Variants in MACF1 observed in about 807,000 individuals in gnomAD.
MACF1 encodes the protein microtubule actin crosslinking factor 1, also known as microtubule-actin cross-linking factor 1.
In MACF1, 193 loss-of-function variants were observed where a neutral mutation model predicts 854.8. The ratio of observed to expected loss-of-function variants is 0.23; its 90% CI spans 0.20 to 0.25. The LOEUF (loss-of-function observed/expected upper bound fraction) is 0.25, where lower values mean the gene tolerates loss of function less well. MACF1 is among the 10% of genes least tolerant of loss of function. The pLI is 1.00. For missense variants in MACF1, 7,722 were observed against 8,929.1 expected, an observed-to-expected ratio of 0.86 and a Z score of 5.45; for synonymous variants, 3,185 against 3,226.7, an observed-to-expected ratio of 0.99 and a Z score of 0.44.
intron 1 of MACF1, among the ~76,000 whole-genome samples, chr1:39,217,511 G>C (rs1040340588): frequency 3.3e-5 from 5 of 151,822 alleles, no homozygotes; most frequent in Non-Finnish European, 5.9e-5. Context: ...CTGACCTCAA[G>C]TGATCCCTCT....
At chr1:39,163,463 A>C (rs1422394931) in intron 2 of MACF1, among the ~76,000 whole-genome samples, 1 of 152,152 alleles carries the variant, frequency 6.6e-6, no homozygotes, top group Non-Finnish European at 1.5e-5. Context: ...CCAATCTCAA[A>C]GAATGAAAAT....
At chr1:39,351,991 A>G (rs938038677) in intron 43 of MACF1, among the ~76,000 whole-genome samples, 1 of 152,200 alleles carries the variant, frequency 6.6e-6, no homozygotes. Flanking sequence ...AGCTGCCTCT[A>G]TAGTTACGAT....
Position 39,458,505 on chromosome 1 carries a change from C to T in MACF1, c.21196+15C>T, listed in dbSNP as rs763213598. The stretch of plus-strand genomic sequence containing the variant: ...CAGCGGAGGCAGTATGTTTCCAGCC[C>T]CCTGTGTTAGGATGCTTCATTCCTG... On this transcript the variant is annotated intron_variant, in intron 90 of 100. Transcript: ENST00000564288. 1 of 1,609,728 alleles carries T rather than the reference C, an allele frequency of 6.2e-7. No individual in the cohort carries two copies. The highest frequency in any genetic ancestry group is 1.1e-5 in the South Asian group (1 of 90,632).
Position 39,340,587 on chromosome 1 carries a change from A to G in MACF1, c.10301A>G (p.Gln3434Arg), listed in dbSNP as rs531297302. ...CVNQIIISQP[Q>R]EVPAQLLKAL... Reference sequence around the variant, plus strand: ...AATCAGATTATCATCAGCCAGCCTCAAGAAGTTCCTGCTCAACTGTTGAAG... The same window carrying G: ...AATCAGATTATCATCAGCCAGCCTCGAGAAGTTCCTGCTCAACTGTTGAAG... Residue 3434 changes from glutamine to arginine, a missense_variant, in exon 39 of 101, where the codon CAA (glutamine) becomes CGA (arginine). Gln to Arg is a conservative substitution (Grantham distance 43). Around this residue, in one of 15 missense-constraint regions of MACF1, gnomAD observed 854 missense variants for 852.6 expected, o/e 1.00. Coordinates refer to ENST00000564288, the MANE Select transcript of MACF1 (RefSeq NM_001394062.1). The G allele has an allele frequency of 2.5e-6, 4 of 1,614,202 alleles. No individual in the cohort carries two copies. Among genetic ancestry groups the G allele is most frequent in the Admixed American group, 1.7e-5 (1 of 60,034 alleles).
At chr1:39,235,426 G>A (rs982429143) in intron 2 of MACF1, among the ~76,000 whole-genome samples, 11 of 152,364 alleles carry the variant, frequency 7.2e-5, no homozygotes, top group Middle Eastern at 3.4e-3. Context: ...GGAGGTTGCA[G>A]TGCTAGCCAT....
intron 20 of MACF1, 67 bp downstream of exon 20, chr1:39,295,949 A>G: frequency 7.2e-7 from 1 of 1,384,624 alleles, no homozygotes; most frequent in Non-Finnish European, 1.0e-6. Flanking sequence ...TTACAAACAC[A>G]TCTGCGTTAG....
intron 16 of MACF1, 39 bp downstream of exon 16, chr1:39,292,077 G>T (rs372589295): frequency 6.8e-5 from 109 of 1,608,546 alleles, no homozygotes; most frequent in Non-Finnish European, 8.8e-5. Flanking sequence ...GGAGGGACGT[G>T]GTTGGAACGG....
At chr1:39,268,927 TG>T in intron 6 of MACF1, 1 of 1,287,170 alleles carries the variant, frequency 7.8e-7, no homozygotes, top group Non-Finnish European at 1.0e-6. Flanking sequence ...GAAGACGGAG[TG>T]GGAGGGGTAG....
intron 2 of MACF1, among the ~76,000 whole-genome samples, chr1:39,112,481 G>T (rs980734585): frequency 6.6e-6 from 1 of 152,046 alleles, no homozygotes; most frequent in Non-Finnish European, 1.5e-5. Context: ...CCAGGAGTTC[G>T]AGACCAGTCA....
intron 58 of MACF1, among the ~76,000 whole-genome samples, chr1:39,394,349 C>T (rs757462506): frequency 2.6e-5 from 4 of 152,010 alleles, no homozygotes; most frequent in Middle Eastern, 3.4e-3. Context: ...AGGCTGGGGG[C>T]GGTGGCTCAC....
At chr1:39,214,656 G>T (rs542937388) in intron 1 of MACF1, among the ~76,000 whole-genome samples, 1 of 152,230 alleles carries the variant, frequency 6.6e-6, no homozygotes, top group South Asian at 2.1e-4. Context: ...ACTCTGTAAA[G>T]TAGGTGGAAT....
At position 39,336,213 on chromosome 1, in the gene MACF1, G is replaced by C; in HGVS notation, c.9625G>C (p.Asp3209His). ...VRYLEFSDRK[D>H]LHHQGSKSDD... The stretch of plus-strand genomic sequence containing the variant: ...GTATCTAGAATTCTCAGACAGAAAA[G>C]ACCTTCATCATCAGGGCAGCAAAAG... Residue 3209 changes from aspartate (D) to histidine (H), a missense_variant, in exon 37 of 101, where the codon GAC (aspartate) becomes CAC (histidine). Around this residue, in one of 15 missense-constraint regions of MACF1, gnomAD observed 854 missense variants for 852.6 expected, o/e 1.00. Transcript: ENST00000564288. 1.2e-6 allele frequency: 2 copies of C among 1,614,064 alleles called. No homozygotes were observed. Among genetic ancestry groups the C allele is most frequent in the Non-Finnish European group, 1.7e-6 (2 of 1,180,016 alleles).
Position 39,409,201 on chromosome 1 carries a change from G to A in MACF1, c.15817-13173G>A, listed in dbSNP as rs1257289482. The stretch of plus-strand genomic sequence containing the variant: ...TTTGCATGCCGGGACCGTGACAGCT[G>A]CGGGCGGGGAGGACGGCGGGGCCGC... On this transcript the variant is annotated intron_variant, in intron 58 of 100. Transcript: ENST00000564288. The surrounding 1 kb of genome is among the most constrained non-coding windows in gnomAD (Gnocchi z 4.2). Among the ~76,000 whole-genome samples the A allele has an allele frequency of 6.6e-6, 1 of 152,096 alleles. No homozygotes were observed. The highest frequency in any genetic ancestry group is 2.4e-5 in the African/African-American group (1 of 41,434).
intron 2 of MACF1, among the ~76,000 whole-genome samples, chr1:39,174,268 A>G (rs772756352): frequency 6.6e-6 from 1 of 152,190 alleles, no homozygotes; most frequent in Non-Finnish European, 1.5e-5. Flanking sequence ...GAGTTTTGCA[A>G]CTATAAAATG....
intron 72 of MACF1, 109 bp from the exon 73 acceptor site, chr1:39,440,894 C>T: frequency 5.7e-6 from 6 of 1,044,670 alleles, no homozygotes; most frequent in Non-Finnish European, 8.6e-6. Flanking sequence ...GTGAAACTGA[C>T]AGTTATGTTG....
chr1:39,206,737 A>G (rs1017294302), intron 1 of MACF1: 3 of 152,192 alleles, frequency 2.0e-5, no homozygotes, highest in Admixed American at 6.5e-5. Context: ...ATTGGAGGCT[A>G]TGGATTCCAA....
intron 2 of MACF1, among the ~76,000 whole-genome samples, chr1:39,153,587 C>T (rs577782380): frequency 1.1e-4 from 16 of 152,314 alleles, no homozygotes; most frequent in African/African-American, 2.6e-4. Flanking sequence ...GTCTAATCCA[C>T]GTGAAGTAAT....
chr1:39,422,978 A>G, intron 60 of MACF1, 78 bp downstream of exon 60: 1 of 1,360,670 alleles, frequency 7.3e-7, no homozygotes, highest in Admixed American at 2.1e-5. Context: ...TAGTTTAAGA[A>G]GCAGTTCAGG....
chr1:39,303,196 G>A (rs552285321), intron 23 of MACF1, 118 bp downstream of exon 23: 231 of 1,188,588 alleles, frequency 1.9e-4, no homozygotes, highest in Non-Finnish European at 2.4e-4. Context: ...TTCCTCCTGG[G>A]AGAGGCTTCT....
Sources: allele counts gnomAD v4.1 joint callset (sites outside exome capture counted in the v4.1 genomes callset), GRCh38; gene constraint gnomAD v4.1.1; regional missense constraint gnomAD v4.1.1; non-coding constraint Gnocchi (gnomAD v3.1); transcripts MANE v1.5; gene names NCBI Gene and HGNC (gene_info 2026-07-23, HGNC 2026-07-21).